The following FANCL variants were observed in gnomAD, a reference collection of about 807,000 sequenced individuals.
FANCL encodes the protein E3 ubiquitin-protein ligase FANCL.
FANCL carries 69 observed loss-of-function variants against 59.4 expected under a neutral mutation model. The observed-to-expected ratio is 1.16, with a 90% CI of 0.96 to 1.42. FANCL has a LOEUF of 1.42. Ranked by LOEUF, FANCL falls within the 40% of genes most tolerant of loss-of-function variation. The pLI is 0.00. For synonymous variants in FANCL, 180 were observed against 147.1 expected (o/e 1.22, Z -1.62); for missense variants, 519 against 447.2 (o/e 1.16, Z -1.45).
intron 4 of FANCL, among the ~76,000 whole-genome samples, chr2:58,222,655 G>A (rs1485835505): frequency 6.6e-6 from 1 of 151,908 alleles, no homozygotes; most frequent in South Asian, 2.1e-4. Flanking sequence ...AAATGTTTAT[G>A]TTCTCCCAAC....
At chr2:58,194,274 C>T (rs1219876982) in intron 7 of FANCL, 4 of 470,924 alleles carry the variant, frequency 8.5e-6, no homozygotes, top group Non-Finnish European at 1.3e-5. Flanking sequence ...GATCAGTGAC[C>T]TGGACAAAAG....
chr2:58,216,627 T>C (rs1330124721), intron 5 of FANCL, among the ~76,000 whole-genome samples: 1 of 152,152 alleles, frequency 6.6e-6, no homozygotes, highest in African/African-American at 2.4e-5. Flanking sequence ...TAAAGAAAAG[T>C]AGAGAAAAAC....
Position 58,162,896 on chromosome 2 carries a change from A to G in FANCL, c.873T>C (p.Asp291=), listed in dbSNP as rs773117904. 4 of 1,612,890 alleles carry G rather than the reference A, an allele frequency of 2.5e-6. No homozygotes were observed. The South Asian group carries it at 3.3e-5, about 13-fold the overall frequency. The change falls in exon 11 of 14, where the codon GAT becomes GAC. Residue 291 remains aspartate (D), a synonymous_variant. Transcript: ENST00000233741. The stretch of plus-strand genomic sequence containing the variant: ...TTTCCAGGATAGCACGAGCTGGAAA[A>G]TCAATTTCTAAAACATCTTTCAAAT... ...LQNLKDVLEI[D]FPARAILEKS...
At chr2:58,234,500 G>C (rs1157277009) in intron 1 of FANCL, among the ~76,000 whole-genome samples, 1 of 151,656 alleles carries the variant, frequency 6.6e-6, no homozygotes, top group African/African-American at 2.4e-5. Context: ...AAAAGGAGTT[G>C]AAGTGGAACA....
chr2:58,165,617 G>C (rs1208016165), intron 8 of FANCL, 107 bp downstream of exon 8: 1 of 1,390,926 alleles, frequency 7.2e-7, no homozygotes, highest in Non-Finnish European at 1.0e-6. Flanking sequence ...AATTTTAATA[G>C]TTGACTTCAT....
chr2:58,197,668 A>G (rs1298043985), intron 7 of FANCL, among the ~76,000 whole-genome samples: 1 of 152,234 alleles, frequency 6.6e-6, no homozygotes, highest in African/African-American at 2.4e-5. Context: ...AACTGACAGA[A>G]GCAGGAGAAT....
chr2:58,229,513 T>C (rs188352625), intron 3 of FANCL, among the ~76,000 whole-genome samples: 5 of 152,316 alleles, frequency 3.3e-5, no homozygotes, highest in South Asian at 2.1e-4. Flanking sequence ...TGATTTTTTT[T>C]CCCTATCACC....
chr2:58,209,175 T>C (rs551184632), intron 5 of FANCL, among the ~76,000 whole-genome samples: 13 of 152,296 alleles, frequency 8.5e-5, no homozygotes, highest in African/African-American at 2.9e-4. Context: ...GCCAAACACA[T>C]AATAAACTTT....
At chr2:58,211,016 G>A (rs1691088903) in intron 5 of FANCL, among the ~76,000 whole-genome samples, 2 of 152,160 alleles carry the variant, frequency 1.3e-5, no homozygotes. Context: ...CCATTCTGGG[G>A]TCTGGAAGAT....
chr2:58,169,761 A>G (rs1573548562), intron 7 of FANCL, among the ~76,000 whole-genome samples: 1 of 152,078 alleles, frequency 6.6e-6, no homozygotes, highest in African/African-American at 2.4e-5. Flanking sequence ...AAGCATACAC[A>G]AGTATCAATT....
chr2:58,222,298 T>C (rs542290549), intron 4 of FANCL, among the ~76,000 whole-genome samples: 36 of 143,362 alleles, frequency 2.5e-4, no homozygotes, highest in African/African-American at 9.0e-4. Context: ...TCTCCTGGAC[T>C]ATTATGCCTA....
At chr2:58,220,174 C>T (rs1340356164) in intron 5 of FANCL, among the ~76,000 whole-genome samples, 1 of 152,186 alleles carries the variant, frequency 6.6e-6, no homozygotes, top group Non-Finnish European at 1.5e-5. Flanking sequence ...TAATTTTTAT[C>T]AAGACCAGGA....
At chr2:58,186,810 C>T (rs1688448768) in intron 7 of FANCL, among the ~76,000 whole-genome samples, 1 of 152,152 alleles carries the variant, frequency 6.6e-6, no homozygotes, top group Admixed American at 6.5e-5. Context: ...CACCACGAAG[C>T]TGACTGAAGC....
chr2:58,173,236 T>A (rs1023152875), intron 7 of FANCL, among the ~76,000 whole-genome samples: 1 of 152,090 alleles, frequency 6.6e-6, no homozygotes, highest in African/African-American at 2.4e-5. Flanking sequence ...CAGGAGAACT[T>A]CCCCAATCTA....
In FANCL at chr2:58,233,335, A is replaced by AT. The variant is rs199878008; in HGVS notation, c.97-1224dup. Among the ~76,000 whole-genome samples, 555 of 152,172 alleles carry AT rather than the reference A, an allele frequency of 3.6e-3. 2 individuals carry two copies. The highest frequency in any genetic ancestry group is 0.012 in the African/African-American group (485 of 41,548). On this transcript the variant is annotated intron_variant, in intron 1 of 13. Coordinates refer to ENST00000233741, the MANE Select transcript of FANCL (RefSeq NM_018062.4). ...AAGCCCAGCCATTTTAAAAGGTCAA[A>AT]TAACATGTCACATGCCACGATACTT...
chr2:58,183,127 C>A (rs1688083378), intron 7 of FANCL, among the ~76,000 whole-genome samples: 1 of 151,356 alleles, frequency 6.6e-6, no homozygotes. Flanking sequence ...AATATCTGTA[C>A]CATATTGGAC....
At chr2:58,175,533 C>A (rs1262763431) in intron 7 of FANCL, among the ~76,000 whole-genome samples, 1 of 152,020 alleles carries the variant, frequency 6.6e-6, no homozygotes. Context: ...AAGACAAAAA[C>A]CACATGATTA....
At chr2:58,193,376 C>G (rs1553445934) in intron 7 of FANCL, among the ~76,000 whole-genome samples, 1 of 151,910 alleles carries the variant, frequency 6.6e-6, no homozygotes, top group Non-Finnish European at 1.5e-5. Flanking sequence ...TGTATTTTTC[C>G]TCTTTCTCTT....
At chr2:58,233,609 C>A (rs1234990065) in intron 1 of FANCL, among the ~76,000 whole-genome samples, 1 of 151,904 alleles carries the variant, frequency 6.6e-6, no homozygotes, top group African/African-American at 2.4e-5. Flanking sequence ...AAATTACCTA[C>A]AGGAAGAAAA....
Sources: allele counts gnomAD v4.1 joint callset (sites outside exome capture counted in the v4.1 genomes callset), GRCh38; gene constraint gnomAD v4.1.1; transcripts MANE v1.5; gene names NCBI Gene and HGNC (gene_info 2026-07-23, HGNC 2026-07-21).